GNG7: variants seen among roughly 807,000 people sequenced by gnomAD.
GNG7 encodes G protein subunit gamma 7, also known as guanine nucleotide-binding protein G(I)/G(S)/G(O) subunit gamma-7.
A neutral mutation model predicts 4.0 loss-of-function variants in GNG7; 1 was observed. The observed-to-expected ratio is 0.25, with a 90% CI of 0.09 to 1.18. The LOEUF is 1.18. GNG7 is among the 50% of genes most tolerant of loss of function. GNG7 has a pLI of 0.50. For missense variants in GNG7, 86 were observed against 91.9 expected, an observed-to-expected ratio of 0.94 and a Z score of 0.26; for synonymous variants, 34 against 36.9, an observed-to-expected ratio of 0.92 and a Z score of 0.29.
chr19:2,536,768 C>T (rs1978749585), intron 3 of GNG7, among the ~76,000 whole-genome samples: 1 of 152,046 alleles, frequency 6.6e-6, no homozygotes, highest in Non-Finnish European at 1.5e-5. Context: ...CAGCGGTTTC[C>T]CCTGTGCTCC....
chr19:2,538,777 C>CTT, intron 3 of GNG7: 2 of 378,294 alleles, frequency 5.3e-6, no homozygotes, highest in South Asian at 2.0e-5. Flanking sequence ...TCTTTTTTTT[C>CTT]TTTTTTTTTG....
intron 1 of GNG7, among the ~76,000 whole-genome samples, chr19:2,657,346 AAAAAAAAAAAAAAAAAT>A (rs1344297653): frequency 1.0e-4 from 2 of 19,938 alleles, no homozygotes; most frequent in African/African-American, 1.4e-4. Context: ...TTAAAAAAAA[AAAAAAAAAAAAAAAAAT>A]ATATATATAT....
At chr19:2,678,160 A>AGGTGGC (rs1182138003) in intron 1 of GNG7, among the ~76,000 whole-genome samples, 2 of 152,170 alleles carry the variant, frequency 1.3e-5, no homozygotes, top group Admixed American at 6.5e-5. Flanking sequence ...GTGGAAGAGG[A>AGGTGGC]GGTGGCGGTG....
At chr19:2,547,142 CT>C (rs1004803902) in intron 3 of GNG7, among the ~76,000 whole-genome samples, 20 of 151,780 alleles carry the variant, frequency 1.3e-4, no homozygotes, top group Non-Finnish European at 2.9e-4. Flanking sequence ...TGAGAAGCCC[CT>C]GATTGCAACC....
chr19:2,549,569 G>A (rs984858485), intron 3 of GNG7, among the ~76,000 whole-genome samples: 3 of 152,130 alleles, frequency 2.0e-5, no homozygotes, highest in South Asian at 4.1e-4. Context: ...GATGACAGAC[G>A]TGAGCCACCG....
intron 1 of GNG7, among the ~76,000 whole-genome samples, chr19:2,684,378 G>A (rs1014050218): frequency 8.6e-5 from 13 of 151,510 alleles, no homozygotes; most frequent in South Asian, 6.3e-4. Context: ...CTCGTGATCC[G>A]CCTGCCTCAG....
At chr19:2,602,566 G>C (rs1367385819) in intron 2 of GNG7, among the ~76,000 whole-genome samples, 2 of 152,236 alleles carry the variant, frequency 1.3e-5, no homozygotes, top group African/African-American at 2.4e-5. Context: ...CTGTGGCCTC[G>C]CACAGGCGGA....
chr19:2,693,427 A>AG (rs1913178078), intron 1 of GNG7, among the ~76,000 whole-genome samples: 2 of 151,856 alleles, frequency 1.3e-5, no homozygotes, highest in Admixed American at 1.3e-4. Context: ...AAAAAAAAAA[A>AG]AAAGAAAGAA....
rs1157510624 is a variant in GNG7, at chr19:2,651,290, C to A, written c.-134-5010G>T. Among the ~76,000 whole-genome samples, 428 of 89,564 alleles carry A rather than the reference C, an allele frequency of 4.8e-3. 7 individuals carry two copies. The highest frequency in any genetic ancestry group is 0.027 in the African/African-American group (408 of 15,300). 58.8% of individuals were successfully genotyped at this position (89,564 alleles called of 152,430 possible). On this transcript the variant is annotated intron_variant, in intron 1 of 4. Transcript: ENST00000382159. The stretch of plus-strand genomic sequence containing the variant: ...CTTCCTTCCCTCCCTCCCTCCATCC[C>A]TCCCTCCCTACCTTCCCTCCATCCC...
At position 2,511,794 on chromosome 19, in the gene GNG7, C is replaced by G. The variant is rs555977076; in HGVS notation, c.*3228G>C. On this transcript the variant is annotated 3_prime_UTR_variant, in exon 5 of 5. Coordinates refer to ENST00000382159, the MANE Select transcript of GNG7 (RefSeq NM_052847.3). The surrounding 1 kb of genome is among the most constrained non-coding windows in gnomAD (Gnocchi z 6.3). ...TGGCCCAGCCGCCCCGTTTATGTCC[C>G]CAGAGGCCAGAGGTCGCAGCTGAGC... The G allele has an allele frequency of 1.0e-6, 1 of 986,206 alleles. No homozygotes were observed. Among genetic ancestry groups the G allele is most frequent in the Non-Finnish European group, 1.2e-6 (1 of 830,210 alleles). 61.1% of individuals were successfully genotyped at this position (986,206 alleles called of 1,614,324 possible).
rs141981226 is a variant in GNG7, at chr19:2,624,256, G to A, written c.-78+21968C>T. Among the ~76,000 whole-genome samples the A allele has an allele frequency of 3.7e-3, 562 of 152,152 alleles. 5 individuals are homozygous for A. Among genetic ancestry groups the A allele is most frequent in the African/African-American group, 0.013 (534 of 41,514 alleles). Reference sequence around the variant, plus strand: ...TAAAAAAAGAAAGAAAGGGCCGGGCGCGGTGGCTCACGCCTGTAATCCCAG... The same window carrying A: ...TAAAAAAAGAAAGAAAGGGCCGGGCACGGTGGCTCACGCCTGTAATCCCAG... On this transcript the variant is annotated intron_variant, in intron 2 of 4. Coordinates refer to ENST00000382159, the MANE Select transcript of GNG7 (RefSeq NM_052847.3).
At chr19:2,702,415 A>G (rs1913428310) in intron 1 of GNG7, among the ~76,000 whole-genome samples, 1 of 43,592 alleles carries the variant, frequency 2.3e-5, no homozygotes, top group Admixed American at 3.4e-4. Flanking sequence ...GTGCAGTCCC[A>G]ATCCCCAACC....
At chr19:2,695,346 G>C (rs1364773149) in intron 1 of GNG7, among the ~76,000 whole-genome samples, 1 of 151,766 alleles carries the variant, frequency 6.6e-6, no homozygotes, top group Non-Finnish European at 1.5e-5. Context: ...ACACAGGCCC[G>C]AGGCCCCCAC....
intron 2 of GNG7, among the ~76,000 whole-genome samples, chr19:2,591,435 G>A (rs916039039): frequency 4.2e-5 from 6 of 142,416 alleles, no homozygotes; most frequent in Admixed American, 7.3e-5. Flanking sequence ...CACTGTTTTC[G>A]TAATTTGAAA....
intron 3 of GNG7, among the ~76,000 whole-genome samples, chr19:2,532,225 G>A (rs1978619511): frequency 6.6e-6 from 1 of 151,772 alleles, no homozygotes; most frequent in South Asian, 2.1e-4. Context: ...ACTGGGAATT[G>A]ACAGAGACTT....
chr19:2,640,169 T>C (rs868546852), intron 2 of GNG7, among the ~76,000 whole-genome samples: 1 of 53,408 alleles, frequency 1.9e-5, no homozygotes, highest in Admixed American at 2.6e-4. Flanking sequence ...GGGAGGGAGA[T>C]AGAGATAGGA....
At chr19:2,516,176 C>G (rs1972732760) in intron 4 of GNG7, among the ~76,000 whole-genome samples, 1 of 152,016 alleles carries the variant, frequency 6.6e-6, no homozygotes. Flanking sequence ...AAGATTACAC[C>G]ATTGCACTCC....
At chr19:2,605,210 T>C (rs1226799893) in intron 2 of GNG7, among the ~76,000 whole-genome samples, 1 of 152,106 alleles carries the variant, frequency 6.6e-6, no homozygotes, top group Non-Finnish European at 1.5e-5. Flanking sequence ...TTTTTGTTTG[T>C]TTTTTGAGAC....
chr19:2,571,161 C>T (rs938837294), intron 2 of GNG7, among the ~76,000 whole-genome samples: 3 of 150,096 alleles, frequency 2.0e-5, no homozygotes, highest in Admixed American at 6.7e-5. Flanking sequence ...CCACCCTGGC[C>T]TCTCGGACTG....
Sources: allele counts gnomAD v4.1 joint callset (sites outside exome capture counted in the v4.1 genomes callset), GRCh38; gene constraint gnomAD v4.1.1; non-coding constraint Gnocchi (gnomAD v3.1); transcripts MANE v1.5; gene names NCBI Gene and HGNC (gene_info 2026-07-23, HGNC 2026-07-21).